LRP1: variants seen among roughly 807,000 people sequenced by gnomAD.
LRP1 encodes LDL receptor related protein 1.
Under a neutral mutation model 541.5 loss-of-function variants are expected in LRP1, and 51 were observed. The observed-to-expected ratio is 0.09, with a 90% CI of 0.08 to 0.12. The LOEUF (loss-of-function observed/expected upper bound fraction) is 0.12. Among genes scored for constraint, LRP1 ranks in the 10% least tolerant of loss-of-function variants. The pLI, the probability that LRP1 is intolerant of heterozygous loss-of-function variation, is 1.00. For missense variants in LRP1, 3,878 were observed against 6,376.2 expected (o/e 0.61, Z 13.34); for synonymous variants, 2,219 against 2,470.8 (o/e 0.90, Z 3.02).
chr12:57,175,050 C>T (rs1321797673), intron 22 of LRP1, among the ~76,000 whole-genome samples: 1 of 152,100 alleles, frequency 6.6e-6, no homozygotes, highest in Non-Finnish European at 1.5e-5. Context: ...CCCTGCTGCA[C>T]CCCACCCCAA....
chr12:57,182,340 G>T (rs183705142), intron 34 of LRP1, among the ~76,000 whole-genome samples: 4 of 152,034 alleles, frequency 2.6e-5, no homozygotes, highest in Admixed American at 2.0e-4. Flanking sequence ...GCAAAACTCC[G>T]TCTCTACTAA....
In LRP1 at chr12:57,206,414, G is replaced by A; in HGVS notation, c.11591-59G>A. ...ACAGTGTTCATGTGAAAGGAGCTGA[G>A]CTGGGTGGGGTGCACACCTGCATCC... On this transcript the variant is annotated intron_variant, in intron 75 of 88. Transcript: ENST00000243077. This position sits in a 1 kb window ranked among gnomAD's most constrained non-coding sequence, Gnocchi z 4.7. 1.3e-6 allele frequency: 2 copies of A among 1,562,506 alleles called. No homozygotes were observed. The highest frequency in any genetic ancestry group is 4.5e-5 in the East Asian group (2 of 44,466).
chr12:57,141,573 C>CGAGGACT, intron 3 of LRP1, 62 bp downstream of exon 3: 1 of 1,601,284 alleles, frequency 6.2e-7, no homozygotes, highest in Non-Finnish European at 8.5e-7. Flanking sequence ...GCCCACCTTC[C>CGAGGACT]GAGGACTGTC....
At chr12:57,144,943 T>G (rs1481488967) in intron 4 of LRP1, 29 bp from the exon 5 acceptor site, 13 of 1,608,814 alleles carry the variant, frequency 8.1e-6, no homozygotes, top group Non-Finnish European at 1.0e-5. Flanking sequence ...ACACTGGAAA[T>G]GACCACATTC....
In LRP1 at chr12:57,184,558, A is replaced by C; in HGVS notation, c.6186+106A>C. The C allele has an allele frequency of 6.7e-7, 1 of 1,486,494 alleles. No individual in the cohort carries two copies. The highest frequency in any genetic ancestry group is 9.1e-7 in the Non-Finnish European group (1 of 1,101,704). The allele number at this position is 1,486,494 out of a possible 1,614,324, so 92.1% of individuals were successfully genotyped here. Reference sequence around the variant, plus strand: ...GAGGACTTGGAGCCCAGGGGAAGTCACAGGGTCTCCCAGCCCAGCCCTCCA... The same window carrying C: ...GAGGACTTGGAGCCCAGGGGAAGTCCCAGGGTCTCCCAGCCCAGCCCTCCA... On this transcript the variant is annotated intron_variant, in intron 38 of 88. Coordinates refer to ENST00000243077, the MANE Select transcript of LRP1 (RefSeq NM_002332.3). The surrounding 1 kb of genome is among the most constrained non-coding windows in gnomAD (Gnocchi z 7.8).
chr12:57,137,490 C>G (rs534565961), intron 1 of LRP1, among the ~76,000 whole-genome samples: 112 of 152,228 alleles, frequency 7.4e-4, no homozygotes, highest in African/African-American at 2.6e-3. Flanking sequence ...CTTCTTAACT[C>G]TAAGGATGTC....
In LRP1 at chr12:57,184,577, C is replaced by T. The variant is rs2036231768; in HGVS notation, c.6186+125C>T. On this transcript the variant is annotated intron_variant, in intron 38 of 88. Coordinates refer to ENST00000243077, the MANE Select transcript of LRP1 (RefSeq NM_002332.3). This position sits in a 1 kb window ranked among gnomAD's most constrained non-coding sequence, Gnocchi z 7.8. ...GAAGTCACAGGGTCTCCCAGCCCAG[C>T]CCTCCACCCAGAGTAGGACTCCTGC... The T allele has an allele frequency of 7.3e-7, 1 of 1,376,630 alleles. No homozygotes were observed. The highest frequency in any genetic ancestry group is 9.9e-7 in the Non-Finnish European group (1 of 1,014,978). The allele number at this position is 1,376,630 out of a possible 1,614,324, so 85.3% of individuals were successfully genotyped here. A position where few individuals can be genotyped will look rare whatever the true frequency, so the allele number is the denominator to read the frequency against.
At chr12:57,144,950 A>G (rs771003470) in intron 4 of LRP1, 22 bp from the exon 5 acceptor site, 3 of 1,611,242 alleles carry the variant, frequency 1.9e-6, no homozygotes, top group Admixed American at 3.3e-5. Context: ...AAATGACCAC[A>G]TTCTTGCCCT....
chr12:57,141,125 CCA>C (rs2035280775), intron 2 of LRP1, among the ~76,000 whole-genome samples: 1 of 152,148 alleles, frequency 6.6e-6, no homozygotes, highest in Non-Finnish European at 1.5e-5. Flanking sequence ...GCACTGGGGT[CCA>C]TGGGAATGGG....
Position 57,181,230 on chromosome 12 carries a change from G to A in LRP1, c.5601G>A (p.Thr1867=), listed in dbSNP as rs150712229. 245 of 1,613,682 alleles carry A rather than the reference G, an allele frequency of 1.5e-4. No homozygotes were observed. In the African/African-American group the frequency reaches 2.0e-3, roughly 13 times the overall value. The change falls in exon 34 of 89, where the codon ACG becomes ACA. Residue 1867 remains threonine (T), a synonymous_variant. Transcript: ENST00000243077. ...CSQLCLPTSE[T]TRSCMCTAGY... ...AGCTCTGCCTGCCCACGTCAGAGAC[G>A]ACCCGCTCCTGCATGTGCACAGCCG...
rs1799986 is a variant in LRP1 at position 57,141,483 on chromosome 12, C to T, written c.300C>T (p.Asp100=). Residue 100 remains aspartate, a synonymous_variant, in exon 3 of 89, where the codon GAC becomes GAT. Coordinates refer to ENST00000243077, the MANE Select transcript of LRP1 (RefSeq NM_002332.3). ...RLCNGVQDCM[D]GSDEGPHCRE... The stretch of plus-strand genomic sequence containing the variant: ...GCAATGGGGTCCAGGACTGCATGGA[C>T]GGCTCAGATGAGGGGCCCCACTGCC... 0.14 allele frequency: 228,541 copies of T among 1,613,992 alleles called. 17,218 individuals are homozygous for T. Among genetic ancestry groups the T allele is most frequent in the Middle Eastern group, 0.18 (1,069 of 6,062 alleles).
At chr12:57,202,316 C>A in intron 67 of LRP1, 105 bp from the exon 68 acceptor site, 1 of 894,400 alleles carries the variant, frequency 1.1e-6, no homozygotes, top group Non-Finnish European at 1.9e-6. Flanking sequence ...CCTTCCCAAG[C>A]TGGGATGCCC....
rs370645203 is a variant in LRP1 at position 57,169,232 on chromosome 12, G to A, written c.3088G>A (p.Glu1030Lys). The A allele has an allele frequency of 3.7e-6, 6 of 1,613,814 alleles. No individual in the cohort carries two copies. Among genetic ancestry groups the A allele is most frequent in the Admixed American group, 1.7e-5 (1 of 60,010 alleles). ...FKCNSGRCIPEHWTCDGDNDC... is the reference protein window; with the variant it reads ...FKCNSGRCIPKHWTCDGDNDC... ...GTGCAACAGCGGGCGTTGCATCCCC[G>A]AGCACTGGACCTGCGATGGGGACAA... is the stretch of plus-strand genomic sequence containing the variant. The change falls in exon 20 of 89, where the codon GAG becomes AAG. Residue 1030 changes from glutamate (E) to lysine (K), a missense_variant. Coordinates refer to ENST00000243077, the MANE Select transcript of LRP1 (RefSeq NM_002332.3).
intron 1 of LRP1, among the ~76,000 whole-genome samples, chr12:57,134,694 CCTTT>C (rs1011616671): frequency 4.6e-5 from 7 of 151,840 alleles, no homozygotes; most frequent in Admixed American, 6.6e-5. Context: ...CATCTGGTTT[CCTTT>C]CTTTCTTTCT....
In LRP1 at chr12:57,202,464, C is replaced by T. The variant is rs756616082; in HGVS notation, c.10638C>T (p.Asn3546=). ...CATACCAGTTCCGCTGCAAGAACAA[C>T]CGCTGCGTGCCCGGCCGCTGGCAGT... ...CEPYQFRCKN[N]RCVPGRWQCD... Residue 3546 remains asparagine, a synonymous_variant, in exon 68 of 89, where the codon AAC becomes AAT. Coordinates refer to ENST00000243077, the MANE Select transcript of LRP1 (RefSeq NM_002332.3). The T allele has an allele frequency of 2.5e-6, 4 of 1,613,560 alleles. No homozygotes were observed. Among genetic ancestry groups the T allele is most frequent in the Non-Finnish European group, 3.4e-6 (4 of 1,180,014 alleles).
chr12:57,164,315 C>T (rs1448695165), intron 15 of LRP1: 1 of 152,204 alleles, frequency 6.6e-6, no homozygotes, highest in African/African-American at 2.4e-5. Flanking sequence ...CTATGATTTA[C>T]TTTCACATAA....
Position 57,179,977 on chromosome 12 carries a change from C to T in LRP1, c.5141+21C>T, listed in dbSNP as rs767206442. The T allele has an allele frequency of 4.4e-5, 71 of 1,613,742 alleles. No homozygotes were observed. Among genetic ancestry groups the T allele is most frequent in the African/African-American group, 1.3e-4 (10 of 74,922 alleles). On this transcript the variant is annotated intron_variant, in intron 30 of 88. Transcript: ENST00000243077. This position sits in a 1 kb window ranked among gnomAD's most constrained non-coding sequence, Gnocchi z 6.8. ...CGTGGGTCAGTCTAGGGCCCAGGGCCGGGGAGCATGGGGTGTGGGGCTGGG... is the reference window on the plus strand; with the variant it reads ...CGTGGGTCAGTCTAGGGCCCAGGGCTGGGGAGCATGGGGTGTGGGGCTGGG...
At chr12:57,199,626 G>A (rs1448865712) in intron 61 of LRP1, among the ~76,000 whole-genome samples, 1 of 152,162 alleles carries the variant, frequency 6.6e-6, no homozygotes. Flanking sequence ...AGTCAAGTGG[G>A]GGTCTGGGTG....
Position 57,154,739 on chromosome 12 carries a change from A to G in LRP1, c.1227+38A>G. On this transcript the variant is annotated intron_variant, in intron 8 of 88. Transcript: ENST00000243077. This position sits in a 1 kb window ranked among gnomAD's most constrained non-coding sequence, Gnocchi z 4.6. ...CTGTCTGAGGTTTTGTGGGGGAACCATGATCCAGGGCCTTCTGGTGAGGGG... is the reference window on the plus strand; with the variant it reads ...CTGTCTGAGGTTTTGTGGGGGAACCGTGATCCAGGGCCTTCTGGTGAGGGG... 1 of 1,532,344 alleles carries G rather than the reference A, an allele frequency of 6.5e-7. No individual in the cohort carries two copies. Among genetic ancestry groups the G allele is most frequent in the Non-Finnish European group, 8.9e-7 (1 of 1,129,778 alleles). 94.9% of individuals were successfully genotyped at this position (1,532,344 alleles called of 1,614,324 possible). A position where few individuals can be genotyped will look rare whatever the true frequency, so the allele number is the denominator to read the frequency against.
Sources: gnomAD v4.1 joint callset for allele counts (sites outside exome capture counted in the v4.1 genomes callset) on GRCh38, gnomAD v4.1.1 for gene constraint, Gnocchi (gnomAD v3.1) non-coding constraint, MANE v1.5 for transcripts, NCBI Gene and HGNC (gene_info 2026-07-23, HGNC 2026-07-21) for gene names.